GABRR1: variants seen among roughly 807,000 people sequenced by gnomAD.
The protein encoded by GABRR1 is gamma-aminobutyric acid type A receptor subunit rho1.
A neutral mutation model predicts 55.5 loss-of-function variants in GABRR1; 59 were observed. The observed-to-expected ratio is 1.06, with a 90% confidence interval of 0.86 to 1.32. The LOEUF (loss-of-function observed/expected upper bound fraction) is 1.32. Ranked by LOEUF, GABRR1 falls within the 40% of genes most tolerant of loss-of-function variation. The pLI, the probability that GABRR1 is intolerant of heterozygous loss-of-function variation, is 0.00. For missense variants in GABRR1, 602 were observed against 619.1 expected (o/e 0.97, Z 0.29); for synonymous variants, 213 against 226.0 (o/e 0.94, Z 0.51).
chr6:89,220,336 G>A (rs1206972365), upstream of GABRR1, among the ~76,000 whole-genome samples: 2 of 152,118 alleles, frequency 1.3e-5, no homozygotes, highest in Non-Finnish European at 2.9e-5. Context: ...GGCAGGACAG[G>A]CGGTACCAGC....
At chr6:89,207,458 A>G (rs62416271) in intron 1 of GABRR1, among the ~76,000 whole-genome samples, 21,049 of 152,130 alleles carry the variant, frequency 0.14, 1,992 homozygotes, top group Middle Eastern at 0.25. Context: ...GCCTCCCAAA[A>G]TGCTGGGATT....
At chr6:89,220,384 G>T (rs1177313684), upstream of GABRR1, among the ~76,000 whole-genome samples, 1 of 152,192 alleles carries the variant, frequency 6.6e-6, no homozygotes, top group African/African-American at 2.4e-5. Context: ...CCTCCATCCA[G>T]AAGTTCCTAT....
At chr6:89,216,572 G>C (rs930996959) in intron 1 of GABRR1, among the ~76,000 whole-genome samples, 1 of 152,136 alleles carries the variant, frequency 6.6e-6, no homozygotes, top group African/African-American at 2.4e-5. Context: ...GGCTGGTGGG[G>C]AACCTGGTTT....
intron 5 of GABRR1, among the ~76,000 whole-genome samples, chr6:89,192,524 G>A (rs1482272737): frequency 6.7e-6 from 1 of 150,272 alleles, no homozygotes; most frequent in Admixed American, 6.6e-5. Context: ...CCTTTCTCCC[G>A]CTGTCATTGA....
rs1311710070 is a variant in GABRR1 at position 89,178,046 on chromosome 6, T to G, written c.*724A>C. 2 of 152,112 alleles carry G rather than the reference T, an allele frequency of 1.3e-5. No individual in the cohort carries two copies. The highest frequency in any genetic ancestry group is 2.9e-5 in the Non-Finnish European group (2 of 68,020). The allele number at this position is 152,112 out of a possible 1,614,324, so 9.4% of individuals were successfully genotyped here. On this transcript the variant is annotated 3_prime_UTR_variant, in exon 10 of 10. Coordinates refer to ENST00000454853, the MANE Select transcript of GABRR1 (RefSeq NM_002042.5). ...AAATAGGGAACATTTAAACACAAATTTTCTAGCCTAGTTACCTCTATGACA... is the reference window on the plus strand; with the variant it reads ...AAATAGGGAACATTTAAACACAAATGTTCTAGCCTAGTTACCTCTATGACA...
upstream of GABRR1, among the ~76,000 whole-genome samples, chr6:89,218,149 C>G (rs1326950412): frequency 6.6e-6 from 1 of 152,142 alleles, no homozygotes; most frequent in South Asian, 2.1e-4. Context: ...CTCAGAGCCT[C>G]GTGGAAGAGA....
At chr6:89,210,074 A>G (rs1028613148) in intron 1 of GABRR1, among the ~76,000 whole-genome samples, 1 of 150,514 alleles carries the variant, frequency 6.6e-6, no homozygotes, top group African/African-American at 2.4e-5. Flanking sequence ...CTCTGTGGAT[A>G]TGTTATGTGA....
At chr6:89,194,534 A>G (rs1772202315) in intron 5 of GABRR1, among the ~76,000 whole-genome samples, 1 of 152,212 alleles carries the variant, frequency 6.6e-6, no homozygotes. Context: ...GACCTCCCCA[A>G]AAGGGGATCC....
At chr6:89,215,538 G>T (rs1304997347) in intron 1 of GABRR1, among the ~76,000 whole-genome samples, 1 of 152,116 alleles carries the variant, frequency 6.6e-6, no homozygotes, top group Non-Finnish European at 1.5e-5. Context: ...GGAGATTGAG[G>T]GTATGAGGAG....
upstream of GABRR1, chr6:89,217,923 T>A (rs1218698582): frequency 1.3e-5 from 2 of 152,118 alleles, no homozygotes; most frequent in African/African-American, 2.4e-5. Context: ...TTTTTTTGTC[T>A]TTGTTTGGCG....
Position 89,181,975 on chromosome 6 carries a change from G to C in GABRR1, c.879C>G (p.Thr293=), listed in dbSNP as rs772618958. 4.7e-5 allele frequency: 76 copies of C among 1,614,030 alleles called. No individual in the cohort carries two copies. Among genetic ancestry groups the C allele is most frequent in the Non-Finnish European group, 6.3e-5 (74 of 1,180,024 alleles). Residue 293 remains threonine, a synonymous_variant, in exon 8 of 10, where the codon ACC becomes ACG. Transcript: ENST00000454853. ...FFLLQTYFPA[T]LMVMLSWVSF... ...ACACCCAGGACAGCATGACCATCAG[G>C]GTAGCGGGGAAATAAGTTTGGAGCA...
At chr6:89,229,089 GC>G (rs1425802296) in intron 1 of GABRR1, among the ~76,000 whole-genome samples, 1 of 151,944 alleles carries the variant, frequency 6.6e-6, no homozygotes, top group Non-Finnish European at 1.5e-5. Context: ...TGCAACCCCT[GC>G]CTTTTTTTGT....
intron 4 of GABRR1, 43 bp from the exon 5 acceptor site, chr6:89,198,286 A>C (rs1582391207): frequency 7.3e-7 from 1 of 1,360,858 alleles, no homozygotes; most frequent in Non-Finnish European, 1.1e-6. Flanking sequence ...ACACACACAA[A>C]CCCACTGAGA....
At chr6:89,196,178 T>C (rs1772266403) in intron 5 of GABRR1, among the ~76,000 whole-genome samples, 1 of 152,210 alleles carries the variant, frequency 6.6e-6, no homozygotes, top group South Asian at 2.1e-4. Context: ...TATTCATTTG[T>C]TGATGATAGA....
chr6:89,217,067 A>C, intron 1 of GABRR1, 134 bp downstream of exon 1: 1 of 862,176 alleles, frequency 1.2e-6, no homozygotes, highest in Non-Finnish European at 1.7e-6. Context: ...AGGAGAACAA[A>C]GGGAAGGGGA....
chr6:89,192,564 CTTTTTTT>C (rs577439930), intron 5 of GABRR1, among the ~76,000 whole-genome samples: 1 of 130,388 alleles, frequency 7.7e-6, no homozygotes, highest in Non-Finnish European at 1.6e-5. Flanking sequence ...TCTTCTTCTT[CTTTTTTT>C]TTTTTTTTTT....
chr6:89,202,287 G>T (rs1582395482), intron 2 of GABRR1, among the ~76,000 whole-genome samples: 1 of 134,916 alleles, frequency 7.4e-6, no homozygotes, highest in Non-Finnish European at 1.7e-5. Flanking sequence ...TCGTTTTTTT[G>T]TTTGTTTGTT....
At chr6:89,183,680 T>TAA (rs35402800) in intron 7 of GABRR1, among the ~76,000 whole-genome samples, 37 of 149,212 alleles carry the variant, frequency 2.5e-4, no homozygotes, top group Middle Eastern at 3.5e-3. Flanking sequence ...ACTCTTCCAT[T>TAA]AAAAAAAAAA....
intron 1 of GABRR1, among the ~76,000 whole-genome samples, chr6:89,212,574 G>A (rs1371183699): frequency 6.6e-6 from 1 of 152,210 alleles, no homozygotes; most frequent in Non-Finnish European, 1.5e-5. Context: ...GAGCTGGCAT[G>A]GTCCAGGGGC....
Sources: allele counts gnomAD v4.1 joint callset (sites outside exome capture counted in the v4.1 genomes callset), GRCh38; gene constraint gnomAD v4.1.1; transcripts MANE v1.5; gene names NCBI Gene and HGNC (gene_info 2026-07-23, HGNC 2026-07-21).